The following NR2C2 variants were observed in gnomAD, a reference collection of about 807,000 sequenced individuals.
NR2C2 encodes Nuclear hormone receptor TR4.
In NR2C2, 6 loss-of-function variants were observed where a neutral mutation model predicts 62.9. That is an observed-to-expected ratio of 0.10 (90% confidence interval 0.05 to 0.19). The LOEUF (loss-of-function observed/expected upper bound fraction) is 0.19, where lower values mean the gene tolerates loss of function less well. Among genes scored for constraint, NR2C2 ranks in the 10% least tolerant of loss-of-function variants. The pLI, the probability that NR2C2 is intolerant of heterozygous loss-of-function variation, is 1.00. For missense variants in NR2C2, 479 were observed against 762.7 expected (o/e 0.63, Z 4.38); for synonymous variants, 272 against 273.8 (o/e 0.99, Z 0.07).
chr3:14,975,151 T>A (rs763469111), intron 1 of NR2C2, among the ~76,000 whole-genome samples: 1 of 152,240 alleles, frequency 6.6e-6, no homozygotes, highest in Non-Finnish European at 1.5e-5. Flanking sequence ...GTTGTACATA[T>A]AAGGTTCTGT....
At chr3:15,031,714 G>A (rs559916290) in intron 9 of NR2C2, among the ~76,000 whole-genome samples, 2 of 151,894 alleles carry the variant, frequency 1.3e-5, no homozygotes, top group African/African-American at 4.8e-5. Context: ...GCTAGTCCAT[G>A]AAGTTGGCCC....
At chr3:14,965,827 C>A (rs1574935888) in intron 1 of NR2C2, among the ~76,000 whole-genome samples, 1 of 152,058 alleles carries the variant, frequency 6.6e-6, no homozygotes, top group Non-Finnish European at 1.5e-5. Flanking sequence ...CTATGCCTGG[C>A]TAATTTTTTG....
At chr3:14,977,618 T>A (rs777050591) in intron 1 of NR2C2, among the ~76,000 whole-genome samples, 1 of 152,162 alleles carries the variant, frequency 6.6e-6, no homozygotes, top group Non-Finnish European at 1.5e-5. Flanking sequence ...TTCCTTTCTT[T>A]CCTATGGAAG....
At chr3:15,033,030 C>A (rs1229204432) in intron 10 of NR2C2, among the ~76,000 whole-genome samples, 2 of 150,860 alleles carry the variant, frequency 1.3e-5, no homozygotes, top group African/African-American at 4.9e-5. Context: ...ATACCAGCAT[C>A]GGCTCTGCCA....
intron 1 of NR2C2, among the ~76,000 whole-genome samples, chr3:14,992,162 AAAAC>A (rs1478806313): frequency 1.3e-4 from 20 of 152,274 alleles, no homozygotes; most frequent in South Asian, 2.1e-4. Flanking sequence ...ATTTCCTTAT[AAAAC>A]AAACAAACAA....
intron 7 of NR2C2, chr3:15,026,490 TC>T (rs2041824921): frequency 6.6e-6 from 1 of 152,144 alleles, no homozygotes; most frequent in African/African-American, 2.4e-5. Context: ...ATGTAGTCAC[TC>T]CTCCTTTCCC....
At chr3:14,951,559 A>G (rs114896412) in intron 1 of NR2C2, among the ~76,000 whole-genome samples, 2,412 of 152,064 alleles carry the variant, frequency 0.016, 68 homozygotes, top group African/African-American at 0.054. Context: ...TAAGCTAATT[A>G]CTCAGGGTAA....
chr3:14,977,811 A>C (rs1319598187), intron 1 of NR2C2, among the ~76,000 whole-genome samples: 1 of 152,044 alleles, frequency 6.6e-6, no homozygotes, highest in Non-Finnish European at 1.5e-5. Context: ...CTAAAATACA[A>C]AATATTAGCT....
In NR2C2 at chr3:15,032,443, G is replaced by A. The variant is rs2042004248; in HGVS notation, c.1175G>A (p.Arg392His). 1.9e-6 allele frequency: 3 copies of A among 1,614,112 alleles called. No individual in the cohort carries two copies. Among genetic ancestry groups the A allele is most frequent in the East Asian group, 2.2e-5 (1 of 44,880 alleles). Residue 392 changes from arginine to histidine, a missense_variant, in exon 10 of 14, where the codon CGT becomes CAT. By Grantham distance (29) the Arg-to-His change is conservative. Around this residue, in one of 4 missense-constraint regions of NR2C2, gnomAD observed 162 missense variants for 296.8 expected, o/e 0.55. Transcript: ENST00000425241. ...CACTACATCTGTGAGTCTGCATCCC[G>A]TCTGCTTTTCCTCTCAATGCACTGG... ...NVHYICESAS[R>H]LLFLSMHWAR...
intron 9 of NR2C2, among the ~76,000 whole-genome samples, chr3:15,032,052 G>C (rs944078208): frequency 6.6e-6 from 1 of 152,116 alleles, no homozygotes; most frequent in South Asian, 2.1e-4. Flanking sequence ...ATTTAATTTA[G>C]ACCTTAACCT....
At chr3:15,005,269 C>T (rs1297968398) in intron 2 of NR2C2, among the ~76,000 whole-genome samples, 2 of 150,966 alleles carry the variant, frequency 1.3e-5, no homozygotes, top group Non-Finnish European at 2.9e-5. Context: ...TCACTGCAGC[C>T]TCTACCTCAG....
chr3:14,994,907 C>G (rs903636957), intron 1 of NR2C2, among the ~76,000 whole-genome samples: 1 of 150,836 alleles, frequency 6.6e-6, no homozygotes, highest in Non-Finnish European at 1.5e-5. Flanking sequence ...AGAACAAGAC[C>G]CTGTCTCTAA....
At chr3:14,956,250 C>T (rs1385516296) in intron 1 of NR2C2, among the ~76,000 whole-genome samples, 1 of 152,176 alleles carries the variant, frequency 6.6e-6, no homozygotes, top group East Asian at 1.9e-4. Flanking sequence ...TTGCAAGTTT[C>T]AAGCTATGTA....
intron 7 of NR2C2, among the ~76,000 whole-genome samples, chr3:15,027,309 C>T (rs1321401279): frequency 6.6e-6 from 1 of 152,262 alleles, no homozygotes; most frequent in South Asian, 2.1e-4. Flanking sequence ...TAATAATACA[C>T]CTTTGTATGG....
intron 1 of NR2C2, among the ~76,000 whole-genome samples, chr3:14,990,706 G>C (rs1343383962): frequency 2.0e-5 from 3 of 152,166 alleles, no homozygotes; most frequent in African/African-American, 7.2e-5. Context: ...GTGTCCTAAA[G>C]AAAACAAGAC....
At chr3:15,011,365 C>CAT (rs1330016037) in intron 2 of NR2C2, among the ~76,000 whole-genome samples, 2 of 152,078 alleles carry the variant, frequency 1.3e-5, no homozygotes, top group East Asian at 3.9e-4. Flanking sequence ...AATTGATAGA[C>CAT]ATATGACTCA....
At chr3:15,007,639 C>G (rs62240383) in intron 2 of NR2C2, among the ~76,000 whole-genome samples, 194 of 152,250 alleles carry the variant, frequency 1.3e-3, no homozygotes, top group Non-Finnish European at 2.1e-3. Context: ...GACAGAGTAG[C>G]CCCTCAGTAA....
rs373119356 is a variant in NR2C2 at position 15,020,365 on chromosome 3, C to T, written c.377-388C>T. 8.5e-5 allele frequency among the ~76,000 whole-genome samples: 13 copies of T among 152,324 alleles called. No individual in the cohort carries two copies. In the South Asian group the frequency reaches 2.3e-3, roughly 27 times the overall value. On this transcript the variant is annotated intron_variant, in intron 4 of 13. Coordinates refer to ENST00000425241, the MANE Select transcript of NR2C2 (RefSeq NM_001291694.2). ...TCGTGGCAGGACAGGGGCCCTGAGC[C>T]GCATCACAAGCCCAGATCTCCAGGA... is the stretch of plus-strand genomic sequence containing the variant.
intron 1 of NR2C2, among the ~76,000 whole-genome samples, chr3:14,949,581 C>CT (rs1559521348): frequency 6.6e-6 from 1 of 152,166 alleles, no homozygotes; most frequent in Non-Finnish European, 1.5e-5. Context: ...GAATACATGA[C>CT]TTGGGAGGAG....
Sources: allele counts gnomAD v4.1 joint callset (sites outside exome capture counted in the v4.1 genomes callset), GRCh38; gene constraint gnomAD v4.1.1; regional missense constraint gnomAD v4.1.1; transcripts MANE v1.5; gene names NCBI Gene and HGNC (gene_info 2026-07-23, HGNC 2026-07-21).